Variants in PCDHGA3 observed in about 807,000 individuals in gnomAD.
PCDHGA3 encodes the protein protocadherin gamma-A3.
In PCDHGA3, 40 loss-of-function variants were observed where a neutral mutation model predicts 58.5. That is an observed-to-expected ratio of 0.68 (90% CI 0.53 to 0.89). PCDHGA3 has a LOEUF of 0.89. Ranked by LOEUF, PCDHGA3 falls within the 40% of genes least tolerant of loss-of-function variation. PCDHGA3 has a pLI of 0.00. For missense variants in PCDHGA3, 1,223 were observed against 1,195.9 expected (o/e 1.02, Z -0.33); for synonymous variants, 530 against 525.7 (o/e 1.01, Z -0.11).
chr5:141,352,505 A>G (rs762426653), intron 1 of PCDHGA3: 15 of 1,613,806 alleles, frequency 9.3e-6, no homozygotes, highest in Admixed American at 8.3e-5. Flanking sequence ...CTATTCCTAC[A>G]ATCTATGTAT....
intron 1 of PCDHGA3, among the ~76,000 whole-genome samples, chr5:141,444,402 C>A (rs916833331): frequency 6.6e-6 from 1 of 151,932 alleles, no homozygotes; most frequent in Admixed American, 6.6e-5. Flanking sequence ...AACTCCCAAC[C>A]TCAGGTGATC....
At chr5:141,423,750 T>TGG (rs144521096) in intron 1 of PCDHGA3, 9,462 of 287,056 alleles carry the variant, frequency 0.033, 140 homozygotes, top group African/African-American at 0.097. Flanking sequence ...GAAAACTGTT[T>TGG]GGGGGGGGGG....
At chr5:141,375,611 G>T in intron 1 of PCDHGA3, 1 of 1,614,178 alleles carries the variant, frequency 6.2e-7, no homozygotes, top group Non-Finnish European at 8.5e-7. Flanking sequence ...CATCAACTCC[G>T]ACACTGGGAT....
At chr5:141,364,725 G>T (rs775854228) in intron 1 of PCDHGA3, 4 of 1,613,828 alleles carry the variant, frequency 2.5e-6, no homozygotes, top group African/African-American at 1.3e-5. Context: ...AACTTCCCGC[G>T]TTTCCGGGAT....
chr5:141,490,106 T>C lies in PCDHGA3; in HGVS notation c.2425-4701T>C, dbSNP rs1314489019. On this transcript the variant is annotated intron_variant, in intron 1 of 3. Coordinates refer to ENST00000253812, the MANE Select transcript of PCDHGA3 (RefSeq NM_018916.4). The surrounding 1 kb of genome is among the most constrained non-coding windows in gnomAD (Gnocchi z 5.4). ...TTTGGAGACCACACATCTGAGGCAG[T>C]GCGGAACCTCTTTGGCCTAGACCCT... 2.5e-6 allele frequency: 4 copies of C among 1,614,246 alleles called. No homozygotes were observed. Among genetic ancestry groups the C allele is most frequent in the South Asian group, 1.1e-5 (1 of 91,086 alleles).
intron 1 of PCDHGA3, chr5:141,387,722 C>G: frequency 8.6e-7 from 1 of 1,159,212 alleles, no homozygotes; most frequent in Non-Finnish European, 1.2e-6. Flanking sequence ...TCAGACTCCC[C>G]AGCGCCAGCC....
intron 3 of PCDHGA3, 126 bp downstream of exon 3, chr5:141,505,607 T>A: frequency 6.5e-7 from 1 of 1,528,684 alleles, no homozygotes. Flanking sequence ...TCGGCAGGTC[T>A]GAAAGGACCC....
At chr5:141,414,290 T>C (rs781378958) in intron 1 of PCDHGA3, 1 of 1,613,272 alleles carries the variant, frequency 6.2e-7, no homozygotes, top group Admixed American at 1.7e-5. Context: ...GTCGTAGCCC[T>C]TTTAAATGTG....
rs764156663 is a variant in PCDHGA3 at position 141,382,871 on chromosome 5, G to A, written c.2424+36414G>A. 2.6e-6 allele frequency: 4 copies of A among 1,520,506 alleles called. No individual in the cohort carries two copies. The South Asian group carries it at 4.0e-5, about 15-fold the overall frequency. 94.2% of individuals were successfully genotyped at this position (1,520,506 alleles called of 1,614,324 possible). On this transcript the variant is annotated intron_variant, in intron 1 of 3. Coordinates refer to ENST00000253812, the MANE Select transcript of PCDHGA3 (RefSeq NM_018916.4). ...GCATTCTGAAGCACTTCCCGAGATC[G>A]GCGCCTAAGCAAGAGAAGCAGGACG... is the stretch of plus-strand genomic sequence containing the variant.
rs182004159 is a variant in PCDHGA3, at chr5:141,355,552, C to A, written c.2424+9095C>A. On this transcript the variant is annotated intron_variant, in intron 1 of 3. Transcript: ENST00000253812. ...TCTAGAAGATACAGTGAAGATTTTG[C>A]GGGTAGAGGTGGAAATAATCGATGT... The A allele has an allele frequency of 3.6e-5, 58 of 1,613,938 alleles. No individual in the cohort carries two copies. In the East Asian group the frequency reaches 1.2e-3, roughly 33 times the overall value.
rs144203659 is a variant in PCDHGA3, at chr5:141,431,011, G to A, written c.2425-63796G>A. The A allele has an allele frequency of 1.5e-5, 24 of 1,613,168 alleles. No individual in the cohort carries two copies. The highest frequency in any genetic ancestry group is 1.7e-5 in the Non-Finnish European group (20 of 1,179,310). ...CCCTGAATCCGCGCAGCGGCAGCTTGGTCACGGCGGGCAGGATAGACCGGG... is the reference window on the plus strand; with the variant it reads ...CCCTGAATCCGCGCAGCGGCAGCTTAGTCACGGCGGGCAGGATAGACCGGG... On this transcript the variant is annotated intron_variant, in intron 1 of 3. Transcript: ENST00000253812. This position sits in a 1 kb window ranked among gnomAD's most constrained non-coding sequence, Gnocchi z 4.8.
chr5:141,357,376 C>T (rs374725533), intron 1 of PCDHGA3: 7 of 1,614,092 alleles, frequency 4.3e-6, no homozygotes, highest in Non-Finnish European at 5.9e-6. Flanking sequence ...ACGCCTGCTT[C>T]ACGCTGAAGG....
chr5:141,399,194 C>A (rs770516092), intron 1 of PCDHGA3: 24 of 1,613,720 alleles, frequency 1.5e-5, no homozygotes, highest in Non-Finnish European at 1.5e-5. Context: ...CTGGAAAACG[C>A]GGTGCCTGGA....
chr5:141,383,111 G>T, intron 1 of PCDHGA3: 1 of 1,614,040 alleles, frequency 6.2e-7, no homozygotes, highest in Non-Finnish European at 8.5e-7. Context: ...TCCAGAGGTA[G>T]GACGCAGCTT....
intron 1 of PCDHGA3, among the ~76,000 whole-genome samples, chr5:141,353,318 T>C (rs1478802472): frequency 6.6e-6 from 1 of 152,214 alleles, no homozygotes; most frequent in Non-Finnish European, 1.5e-5. Flanking sequence ...TTTAGAGTTC[T>C]TCCCACCCAA....
chr5:141,385,381 T>C, intron 1 of PCDHGA3: 1 of 1,517,334 alleles, frequency 6.6e-7, no homozygotes, highest in South Asian at 1.3e-5. Context: ...TATTTCTCTA[T>C]TATTTTGCAA....
chr5:141,345,210 A>G lies in PCDHGA3; in HGVS notation c.1177A>G (p.Lys393Glu), dbSNP rs1268180575. 1.2e-6 allele frequency: 2 copies of G among 1,613,962 alleles called. No homozygotes were observed. Among genetic ancestry groups the G allele is most frequent in the Non-Finnish European group, 1.7e-6 (2 of 1,179,882 alleles). Residue 393 changes from lysine (K) to glutamate (E), a missense_variant, in exon 1 of 4, where the codon AAG becomes GAG. Lys to Glu is a moderately conservative substitution (Grantham distance 56). This residue lies in a region of PCDHGA3 where 791 missense variants were observed against 708.5 expected (regional missense o/e 1.12). Transcript: ENST00000253812. ...EVFVLGNLPF[K>E]LEKSIDQYYR... ...TTTTGTCCTGGGAAATCTGCCATTT[A>G]AGTTAGAAAAATCAATAGATCAATA...
rs10038103 is a variant in PCDHGA3 at position 141,414,849 on chromosome 5, C to T, written c.2424+68392C>T. On this transcript the variant is annotated intron_variant, in intron 1 of 3. Transcript: ENST00000253812. ...TGTCGTTGAGCCTGTTTGTGCTGGA[C>T]CAGAACGACAATGCGCCCGAGATCC... The T allele has an allele frequency of 7.9e-4, 1,268 of 1,614,252 alleles. 15 individuals carry two copies. In the African/African-American group the frequency reaches 0.015, roughly 19 times the overall value.
intron 1 of PCDHGA3, chr5:141,484,969 G>A: frequency 3.4e-6 from 2 of 584,588 alleles, no homozygotes; most frequent in Admixed American, 3.2e-5. Flanking sequence ...CCCGGGAGCC[G>A]CTGTCTGCCA....
Sources: allele counts gnomAD v4.1 joint callset (sites outside exome capture counted in the v4.1 genomes callset), GRCh38; gene constraint gnomAD v4.1.1; regional missense constraint gnomAD v4.1.1; non-coding constraint Gnocchi (gnomAD v3.1); transcripts MANE v1.5; gene names NCBI Gene and HGNC (gene_info 2026-07-23, HGNC 2026-07-21).